POLE2: variants seen among roughly 807,000 people sequenced by gnomAD.
POLE2 encodes DNA polymerase epsilon 2, accessory subunit.
In POLE2, 56 loss-of-function variants were observed where a neutral mutation model predicts 79.4. The observed-to-expected ratio is 0.71, with a 90% CI of 0.57 to 0.88. POLE2 has a LOEUF of 0.88. Ranked by LOEUF, POLE2 falls within the 40% of genes least tolerant of loss-of-function variation. The pLI, the probability that POLE2 is intolerant of heterozygous loss-of-function variation, is 0.00. For missense variants in POLE2, 598 were observed against 638.9 expected (o/e 0.94, Z 0.69); for synonymous variants, 212 against 214.0 (o/e 0.99, Z 0.08).
chr14:49,685,435 A>G (rs921264319), intron 1 of POLE2, among the ~76,000 whole-genome samples: 3 of 152,162 alleles, frequency 2.0e-5, no homozygotes, highest in Non-Finnish European at 4.4e-5. Context: ...TTTTGGTTGC[A>G]TCTTGGGACA....
chr14:49,677,238 G>T, intron 3 of POLE2: 1 of 738,446 alleles, frequency 1.4e-6, no homozygotes, highest in South Asian at 1.6e-5. Flanking sequence ...ACTGTCTGAG[G>T]GAGTAGGGTG....
intron 15 of POLE2, among the ~76,000 whole-genome samples, chr14:49,652,368 A>G (rs920822665): frequency 6.6e-6 from 1 of 151,474 alleles, no homozygotes; most frequent in African/African-American, 2.4e-5. Context: ...AGGCTATTGT[A>G]ATAATCCAGG....
intron 6 of POLE2, among the ~76,000 whole-genome samples, chr14:49,667,417 T>C (rs1226804663): frequency 6.6e-6 from 1 of 152,218 alleles, no homozygotes; most frequent in East Asian, 1.9e-4. Context: ...AATAGAGATA[T>C]CTATATTATA....
intron 1 of POLE2, among the ~76,000 whole-genome samples, chr14:49,684,869 TG>T (rs1226962761): frequency 1.3e-5 from 2 of 151,654 alleles, no homozygotes; most frequent in African/African-American, 4.8e-5. Context: ...CCCAGCTACT[TG>T]GGAGGCTGAG....
rs761554020 is a variant in POLE2 at position 49,674,188 on chromosome 14, T to C, written c.352A>G (p.Asn118Asp). Residue 118 changes from asparagine to aspartate, a missense_variant, in exon 5 of 19, where the codon AAT (asparagine) becomes GAT (aspartate). Physicochemically the swap from Asn to Asp is conservative, Grantham distance 23 (BLOSUM62 1). Transcript: ENST00000216367. ...PLLMTNHPAP[N>D]LFGTPRDKAE... is the part of the protein sequence containing the mutation. ...TTATCTCTTGGTGTTCCAAATAAAT[T>C]TGGTGCAGGGTGGTTGGTCATTAAC... is the stretch of plus-strand genomic sequence containing the variant. The C allele has an allele frequency of 2.5e-6, 4 of 1,613,168 alleles. No homozygotes were observed. In the African/African-American group the frequency reaches 4.0e-5, roughly 16 times the overall value.
At chr14:49,673,339 GTCCCAACTCCC>G (rs1886028474) in intron 5 of POLE2, among the ~76,000 whole-genome samples, 1 of 152,148 alleles carries the variant, frequency 6.6e-6, no homozygotes, top group South Asian at 2.1e-4. Flanking sequence ...AAGGAGAACA[GTCCCAACTCCC>G]AAGGGTGGCA....
chr14:49,660,815 C>A (rs1030908455), intron 10 of POLE2, among the ~76,000 whole-genome samples: 2 of 152,176 alleles, frequency 1.3e-5, no homozygotes, highest in Non-Finnish European at 2.9e-5. Context: ...CACTTGAAAC[C>A]GGGAAGTAGA....
intron 17 of POLE2, among the ~76,000 whole-genome samples, chr14:49,649,580 G>A (rs985763531): frequency 6.6e-6 from 1 of 151,748 alleles, no homozygotes; most frequent in African/African-American, 2.4e-5. Flanking sequence ...CTCCCAAGTA[G>A]GTGGGATTAC....
At chr14:49,644,627 A>G (rs1883629373) in intron 18 of POLE2, among the ~76,000 whole-genome samples, 1 of 152,130 alleles carries the variant, frequency 6.6e-6, no homozygotes, top group South Asian at 2.1e-4. Context: ...TTTTTCCATT[A>G]GTAGTAAATA....
At chr14:49,674,064 C>A in intron 5 of POLE2, 59 bp downstream of exon 5, 1 of 986,506 alleles carries the variant, frequency 1.0e-6, no homozygotes, top group South Asian at 1.3e-5. Flanking sequence ...TAAACTGAAA[C>A]AGTCTCCTTT....
At chr14:49,667,057 A>C (rs1166517766) in intron 6 of POLE2, among the ~76,000 whole-genome samples, 2 of 151,978 alleles carry the variant, frequency 1.3e-5, no homozygotes, top group Non-Finnish European at 2.9e-5. Flanking sequence ...GCATGGTGGC[A>C]GGCGCCTGTA....
chr14:49,666,927 G>A (rs1337287789), intron 6 of POLE2, among the ~76,000 whole-genome samples: 1 of 152,104 alleles, frequency 6.6e-6, no homozygotes, highest in Non-Finnish European at 1.5e-5. Context: ...CCGGCCAGGT[G>A]CAGTGGCTCA....
intron 8 of POLE2, 140 bp from the exon 9 acceptor site, chr14:49,664,814 A>G (rs1310774228): frequency 4.7e-6 from 3 of 634,142 alleles, no homozygotes. Context: ...GCTTAGAAAG[A>G]GCTTAAAAAA....
intron 10 of POLE2, among the ~76,000 whole-genome samples, chr14:49,658,605 C>T (rs1004046694): frequency 2.6e-5 from 4 of 152,144 alleles, no homozygotes; most frequent in African/African-American, 9.7e-5. Context: ...GGCATAAAAA[C>T]GTTTTGGCAA....
intron 10 of POLE2, among the ~76,000 whole-genome samples, chr14:49,659,061 T>C (rs894890104): frequency 2.0e-5 from 3 of 152,186 alleles, no homozygotes; most frequent in Non-Finnish European, 4.4e-5. Flanking sequence ...ATTCTGTGTA[T>C]AGGCCTAGGT....
intron 5 of POLE2, among the ~76,000 whole-genome samples, chr14:49,670,568 G>C (rs1885814375): frequency 6.6e-6 from 1 of 152,088 alleles, no homozygotes; most frequent in South Asian, 2.1e-4. Flanking sequence ...TCTAGAAAAT[G>C]AAAGTACTCC....
At chr14:49,645,508 C>A (rs1883700680) in intron 18 of POLE2, among the ~76,000 whole-genome samples, 1 of 152,176 alleles carries the variant, frequency 6.6e-6, no homozygotes, top group Non-Finnish European at 1.5e-5. Flanking sequence ...TGAAAAGATT[C>A]CCCAGTTACC....
At chr14:49,685,523 C>A (rs1887062140) in intron 1 of POLE2, among the ~76,000 whole-genome samples, 1 of 152,144 alleles carries the variant, frequency 6.6e-6, no homozygotes, top group African/African-American at 2.4e-5. Context: ...CATACCATGT[C>A]CCTGGCCTTC....
intron 1 of POLE2, among the ~76,000 whole-genome samples, chr14:49,685,965 T>C (rs896559125): frequency 2.0e-5 from 3 of 150,734 alleles, no homozygotes; most frequent in Non-Finnish European, 4.4e-5. Flanking sequence ...AAACCACTTC[T>C]GCAGTGAAGT....
Sources: allele counts gnomAD v4.1 joint callset (sites outside exome capture counted in the v4.1 genomes callset), GRCh38; gene constraint gnomAD v4.1.1; transcripts MANE v1.5; gene names NCBI Gene and HGNC (gene_info 2026-07-23, HGNC 2026-07-21).